Variants in KAT7 observed in about 807,000 individuals in gnomAD.
KAT7 encodes the protein histone acetyltransferase KAT7.
KAT7 carries 10 observed loss-of-function variants against 82.1 expected under a neutral mutation model. The ratio of observed to expected loss-of-function variants is 0.12; its 90% CI spans 0.08 to 0.21. The LOEUF (loss-of-function observed/expected upper bound fraction) is 0.21, where lower values mean the gene tolerates loss of function less well. Ranked by LOEUF, KAT7 falls within the 10% of genes least tolerant of loss-of-function variation. The pLI is 1.00. For missense variants in KAT7, 378 were observed against 760.9 expected (o/e 0.50, Z 5.92); for synonymous variants, 250 against 262.5 (o/e 0.95, Z 0.46).
chr17:49,794,134 T>C (rs1669007240), intron 2 of KAT7, among the ~76,000 whole-genome samples: 1 of 152,190 alleles, frequency 6.6e-6, no homozygotes, highest in South Asian at 2.1e-4. Context: ...GTTCCTGTCC[T>C]CAAAGATCTT....
In KAT7 at chr17:49,829,184, C is replaced by G. The variant is rs2074402366; in HGVS notation, c.*1682C>G. Reference sequence around the variant, plus strand: ...AGTAAATGCACTTGGGATTTGCTTTCCCTAGCAGTAAACTGTTGAGGGATG... The same window carrying G: ...AGTAAATGCACTTGGGATTTGCTTTGCCTAGCAGTAAACTGTTGAGGGATG... On this transcript the variant is annotated 3_prime_UTR_variant, in exon 15 of 15. Coordinates refer to ENST00000259021, the MANE Select transcript of KAT7 (RefSeq NM_007067.5). 1 of 152,270 alleles carries G rather than the reference C, an allele frequency of 6.6e-6. No homozygotes were observed. Among genetic ancestry groups the G allele is most frequent in the Non-Finnish European group, 1.5e-5 (1 of 68,028 alleles). 9.4% of individuals were successfully genotyped at this position (152,270 alleles called of 1,614,324 possible). A position where few individuals can be genotyped will look rare whatever the true frequency, so the allele number is the denominator to read the frequency against.
chr17:49,821,306 G>A (rs902096818), intron 9 of KAT7, 31 bp from the exon 10 acceptor site: 18 of 1,554,618 alleles, frequency 1.2e-5, no homozygotes, highest in Non-Finnish European at 1.4e-5. Flanking sequence ...GGAGGCTTTG[G>A]TTCCCTGATG....
At chr17:49,803,336 G>A (rs368014871) in intron 4 of KAT7, among the ~76,000 whole-genome samples, 9 of 148,754 alleles carry the variant, frequency 6.1e-5, no homozygotes, top group Non-Finnish European at 1.2e-4. Flanking sequence ...GACCTCAGGT[G>A]ATCTACCTGC....
At chr17:49,800,671 G>A (rs148605425) in intron 4 of KAT7, among the ~76,000 whole-genome samples, 1 of 152,116 alleles carries the variant, frequency 6.6e-6, no homozygotes, top group South Asian at 2.1e-4. Flanking sequence ...GCCAGATACT[G>A]TTTTAAGTTA....
Position 49,830,923 on chromosome 17 carries a change from T to C in KAT7, c.*3421T>C, listed in dbSNP as rs2074420266. 1 of 152,034 alleles carries C rather than the reference T, an allele frequency of 6.6e-6. No homozygotes were observed. The highest frequency in any genetic ancestry group is 1.5e-5 in the Non-Finnish European group (1 of 68,032). 9.4% of individuals were successfully genotyped at this position (152,034 alleles called of 1,614,324 possible). ...AACTTTCAGGCAAAAGGATTTTCTT[T>C]TTATATTTTTTCTTATTATTTTTTA... On this transcript the variant is annotated 3_prime_UTR_variant, in exon 15 of 15. Coordinates refer to ENST00000259021, the MANE Select transcript of KAT7 (RefSeq NM_007067.5).
chr17:49,821,733 C>T lies in KAT7; in HGVS notation c.1329C>T (p.Phe443=), dbSNP rs750171544. The part of the protein sequence containing the change: ...TLYYDVEPFL[F]YVMTEADNTG... ...ATTATGATGTGGAGCCCTTCCTGTT[C>T]TATGTTATGACAGAGGCGGACAACA... The change falls in exon 11 of 15, where the codon TTC becomes TTT. Residue 443 remains phenylalanine (F), a synonymous_variant. Transcript: ENST00000259021. The T allele has an allele frequency of 2.5e-5, 40 of 1,613,790 alleles. No individual in the cohort carries two copies. The highest frequency in any genetic ancestry group is 3.2e-5 in the Non-Finnish European group (38 of 1,179,788).
intron 6 of KAT7, 105 bp from the exon 7 acceptor site, chr17:49,811,371 T>G (rs2074162921): frequency 2.0e-6 from 1 of 503,074 alleles, no homozygotes; most frequent in Admixed American, 3.8e-5. Context: ...CCTCCCAAAG[T>G]GCTGAGATTA....
In KAT7 at chr17:49,816,010, T is replaced by A; in HGVS notation, c.963+97T>A. On this transcript the variant is annotated intron_variant, in intron 8 of 14. Coordinates refer to ENST00000259021, the MANE Select transcript of KAT7 (RefSeq NM_007067.5). ...AAATCAGTTTGATGGGAATTAAATG[T>A]ACCTTGCTTCTGGAATCTCTTTCCC... 4 of 693,882 alleles carry A rather than the reference T, an allele frequency of 5.8e-6. No homozygotes were observed. The South Asian group carries it at 7.0e-5, about 12-fold the overall frequency. The allele number at this position is 693,882 out of a possible 1,614,324, so 43.0% of individuals were successfully genotyped here. A position where few individuals can be genotyped will look rare whatever the true frequency, so the allele number is the denominator to read the frequency against.
intron 3 of KAT7, among the ~76,000 whole-genome samples, chr17:49,797,890 A>G (rs1415395938): frequency 6.6e-6 from 1 of 152,158 alleles, no homozygotes. Flanking sequence ...TTGTTAGACT[A>G]CAAACAGGCT....
At chr17:49,793,862 C>T (rs537800346) in intron 2 of KAT7, among the ~76,000 whole-genome samples, 9 of 152,090 alleles carry the variant, frequency 5.9e-5, no homozygotes, top group African/African-American at 1.4e-4. Context: ...TGAGCCACCG[C>T]GCCCTGCTGC....
At chr17:49,793,017 T>G (rs1189091031) in intron 2 of KAT7, among the ~76,000 whole-genome samples, 1 of 152,158 alleles carries the variant, frequency 6.6e-6, no homozygotes, top group African/African-American at 2.4e-5. Flanking sequence ...CTTATTATGT[T>G]GTCTAGGCTG....
At chr17:49,816,539 GGAAGCTCAGTTTTAAAGT>G (rs1362035227) in intron 8 of KAT7, among the ~76,000 whole-genome samples, 1 of 152,030 alleles carries the variant, frequency 6.6e-6, no homozygotes, top group East Asian at 1.9e-4. Context: ...ATGTGTTCAG[GGAAGCTCAGTTTTAAAGT>G]GAATCTCGTC....
intron 2 of KAT7, among the ~76,000 whole-genome samples, chr17:49,794,252 A>T (rs866854830): frequency 1.3e-5 from 2 of 152,190 alleles, no homozygotes; most frequent in Non-Finnish European, 2.9e-5. Context: ...GAGGTGGGAC[A>T]GCCAACTTAG....
chr17:49,822,840 C>G (rs182500157), intron 11 of KAT7, among the ~76,000 whole-genome samples: 8 of 152,126 alleles, frequency 5.3e-5, no homozygotes, highest in East Asian at 3.9e-4. Context: ...TGGGGACTTA[C>G]AGTGGTGTTT....
At chr17:49,790,332 G>C (rs2073870372) in intron 1 of KAT7, among the ~76,000 whole-genome samples, 1 of 152,140 alleles carries the variant, frequency 6.6e-6, no homozygotes, top group African/African-American at 2.4e-5. Flanking sequence ...TAGTAGCTGG[G>C]ATTACAGGCG....
At chr17:49,800,116 A>G (rs898149756) in intron 4 of KAT7, among the ~76,000 whole-genome samples, 2 of 141,512 alleles carry the variant, frequency 1.4e-5, no homozygotes, top group Admixed American at 1.6e-4. Context: ...GGTTCACACC[A>G]TTCTCCTGCC....
intron 2 of KAT7, 95 bp from the exon 3 acceptor site, chr17:49,796,655 A>AGAG (rs952006391): frequency 2.2e-6 from 2 of 900,046 alleles, no homozygotes; most frequent in Middle Eastern, 3.6e-4. Flanking sequence ...TGAAATATGA[A>AGAG]GAGGAGGAGG....
At chr17:49,813,383 AT>A (rs1156713804) in intron 7 of KAT7, among the ~76,000 whole-genome samples, 3 of 151,476 alleles carry the variant, frequency 2.0e-5, no homozygotes, top group Admixed American at 2.0e-4. Context: ...GCTCTTTTAG[AT>A]TTTTTTCTGA....
At chr17:49,799,134 G>C (rs941533262) in intron 4 of KAT7, among the ~76,000 whole-genome samples, 1 of 152,180 alleles carries the variant, frequency 6.6e-6, no homozygotes, top group Admixed American at 6.5e-5. Flanking sequence ...TTACCCCTTA[G>C]TGAATTACTT....
Sources: allele counts gnomAD v4.1 joint callset (sites outside exome capture counted in the v4.1 genomes callset), GRCh38; gene constraint gnomAD v4.1.1; transcripts MANE v1.5; gene names NCBI Gene and HGNC (gene_info 2026-07-23, HGNC 2026-07-21).